The following DST variants were observed in gnomAD, a reference collection of about 807,000 sequenced individuals.
DST encodes the protein dystonin.
DST carries 253 observed loss-of-function variants against 875.2 expected under a neutral mutation model. That is an observed-to-expected ratio of 0.29 (90% CI 0.26 to 0.32). The LOEUF is 0.32. Ranked by LOEUF, DST falls within the 10% of genes least tolerant of loss-of-function variation. DST has a pLI of 1.00. For synonymous variants in DST, 3,124 were observed against 3,197.1 expected, an observed-to-expected ratio of 0.98 and a Z score of 0.77; for missense variants, 8,287 against 9,111.6, an observed-to-expected ratio of 0.91 and a Z score of 3.68.
chr6:56,695,268 A>T (rs1277117465), intron 9 of DST, among the ~76,000 whole-genome samples: 1 of 151,700 alleles, frequency 6.6e-6, no homozygotes, highest in Non-Finnish European at 1.5e-5. Context: ...ATTTTCTGAG[A>T]CCTTACCAGA....
chr6:56,596,451 C>G (rs1453572373), intron 47 of DST, among the ~76,000 whole-genome samples: 1 of 152,110 alleles, frequency 6.6e-6, no homozygotes, highest in East Asian at 1.9e-4. Flanking sequence ...TTAAGTCTAC[C>G]CACCAGTATT....
At chr6:56,676,121 C>T (rs1349085727) in intron 9 of DST, among the ~76,000 whole-genome samples, 1 of 151,944 alleles carries the variant, frequency 6.6e-6, no homozygotes, top group East Asian at 1.9e-4. Flanking sequence ...GGCTGGAGTG[C>T]AGTGGGGCAA....
At position 56,529,787 on chromosome 6, in the gene DST, T is replaced by TA; in HGVS notation, c.17269-14dup. ...CATCTTCTAAGGCCTAAGCAAAGTTTAAAAAAATAAAGAAGAAAAACAAAA... is the reference window on the plus strand; with the variant it reads ...CATCTTCTAAGGCCTAAGCAAAGTTTAAAAAAAATAAAGAAGAAAAACAAAA... On this transcript the variant is annotated splice_polypyrimidine_tract_variant and intron_variant, in intron 65 of 103. Coordinates refer to ENST00000680361, the MANE Select transcript of DST (RefSeq NM_001374736.1). The TA allele has an allele frequency of 6.7e-7, 1 of 1,501,470 alleles. No homozygotes were observed. Among genetic ancestry groups the TA allele is most frequent in the African/African-American group, 1.4e-5 (1 of 70,814 alleles). 93.0% of individuals were successfully genotyped at this position (1,501,470 alleles called of 1,614,324 possible).
intron 95 of DST, 55 bp downstream of exon 95, chr6:56,471,051 G>C (rs762426360): frequency 2.6e-6 from 4 of 1,521,384 alleles, no homozygotes; most frequent in Non-Finnish European, 3.6e-6. Flanking sequence ...CTTTTAAAAT[G>C]TGCTTATTTC....
At chr6:56,826,926 T>TCC (rs1331503620) in intron 4 of DST, among the ~76,000 whole-genome samples, 6 of 152,208 alleles carry the variant, frequency 3.9e-5, no homozygotes, top group African/African-American at 1.4e-4. Flanking sequence ...GAGCACTGTT[T>TCC]CCCCATGTTC....
chr6:56,500,973 C>T, intron 80 of DST, 107 bp downstream of exon 80: 2 of 1,100,354 alleles, frequency 1.8e-6, no homozygotes, highest in Non-Finnish European at 1.3e-6. Context: ...GAACTTGTGT[C>T]AAAATCATAA....
chr6:56,861,399 C>T (rs937738630), intron 3 of DST, among the ~76,000 whole-genome samples: 1 of 152,178 alleles, frequency 6.6e-6, no homozygotes, highest in African/African-American at 2.4e-5. Flanking sequence ...TGGTGGAAAA[C>T]TCTGCTCAGG....
At chr6:56,826,216 A>G in intron 4 of DST, among the ~76,000 whole-genome samples, 1 of 152,168 alleles carries the variant, frequency 6.6e-6, no homozygotes, top group East Asian at 1.9e-4. Flanking sequence ...GCCATAAATG[A>G]CCACACAAAC....
intron 4 of DST, among the ~76,000 whole-genome samples, chr6:56,782,354 G>T (rs1228052414): frequency 6.6e-6 from 1 of 152,020 alleles, no homozygotes; most frequent in Non-Finnish European, 1.5e-5. Flanking sequence ...ATCTGGTCCT[G>T]GACTCTTTTT....
chr6:56,492,301 G>A lies in DST; in HGVS notation c.20683C>T (p.Arg6895Ter). Residue 6895 changes from arginine (R) to a stop codon, truncating the protein, a stop_gained, in exon 85 of 104, where the codon CGA (arginine) becomes TGA (stop). Transcript: ENST00000680361. LOFTEE classifies it high-confidence loss of function. The part of the protein sequence containing the change: ...IKNLLISVQS[R>*]WEKVVQRLVE... ...AACCGTTGAACCACTTTTTCCCATC[G>A]ACTTTGTACACTGATAAGTAGATTC... 1 of 1,613,692 alleles carries A rather than the reference G, an allele frequency of 6.2e-7. No homozygotes were observed. The highest frequency in any genetic ancestry group is 8.5e-7 in the Non-Finnish European group (1 of 1,179,804).
chr6:56,721,957 C>G, intron 5 of DST, among the ~76,000 whole-genome samples: 1 of 152,198 alleles, frequency 6.6e-6, no homozygotes. Flanking sequence ...AGTATATAAC[C>G]ACACATAAAT....
rs144261059 is a variant in DST at position 56,671,395 on chromosome 6, A to G, written c.1048-588T>C. ...GGTATTCTGTGTAAAGAACAATGAA[A>G]GAAATAGTATTCTCTCCTATATAAC... On this transcript the variant is annotated intron_variant, in intron 9 of 103. Coordinates refer to ENST00000680361, the MANE Select transcript of DST (RefSeq NM_001374736.1). 9.2e-3 allele frequency among the ~76,000 whole-genome samples: 1,404 copies of G among 152,346 alleles called. 8 individuals are homozygous for G. The highest frequency in any genetic ancestry group is 0.015 in the Non-Finnish European group (1,020 of 68,028).
At chr6:56,525,078 A>G (rs895634938) in intron 69 of DST, among the ~76,000 whole-genome samples, 2 of 152,138 alleles carry the variant, frequency 1.3e-5, no homozygotes, top group African/African-American at 4.8e-5. Flanking sequence ...CGAAAACTCA[A>G]TCTGTGACTG....
chr6:56,762,944 C>T (rs927164129), intron 4 of DST, among the ~76,000 whole-genome samples: 10 of 150,484 alleles, frequency 6.6e-5, no homozygotes, highest in Non-Finnish European at 1.2e-4. Flanking sequence ...TGTGCCTCCC[C>T]GGTTCAAGCG....
chr6:56,735,317 A>G, intron 4 of DST, 28 bp from the exon 5 acceptor site: 1 of 1,350,300 alleles, frequency 7.4e-7, no homozygotes, highest in South Asian at 1.3e-5. Flanking sequence ...ATATAAAGAT[A>G]AGGTTGGTAA....
intron 90 of DST, among the ~76,000 whole-genome samples, chr6:56,480,615 G>A (rs2095369521): frequency 6.6e-6 from 1 of 152,184 alleles, no homozygotes; most frequent in African/African-American, 2.4e-5. Flanking sequence ...GGAAGCAGAG[G>A]AGATGGAAAA....
chr6:56,588,409 T>C lies in DST; in HGVS notation c.12903+3773A>G, dbSNP rs913785918. Among the ~76,000 whole-genome samples, 4 of 152,310 alleles carry C rather than the reference T, an allele frequency of 2.6e-5. No individual in the cohort carries two copies. In the South Asian group the frequency reaches 6.2e-4, roughly 24 times the overall value. ...CTTTTAATACTCAGCTGGAAAACCT[T>C]CCCTAAGTCTCTCCTCACTCCTAGC... On this transcript the variant is annotated intron_variant, in intron 49 of 103. Coordinates refer to ENST00000680361, the MANE Select transcript of DST (RefSeq NM_001374736.1).
At position 56,555,980 on chromosome 6, in the gene DST, A is replaced by C. The variant is rs1584839922; in HGVS notation, c.14641-140T>G. On this transcript the variant is annotated intron_variant, in intron 59 of 103. Transcript: ENST00000680361. ...GTTATCACTTTCCTACTTTTTACTTAAAGGGCAGTACAATTCTCTTAAATC... is the reference window on the plus strand; with the variant it reads ...GTTATCACTTTCCTACTTTTTACTTCAAGGGCAGTACAATTCTCTTAAATC... 1.7e-5 allele frequency: 14 copies of C among 842,160 alleles called. No individual in the cohort carries two copies. The East Asian group carries it at 3.6e-4, about 22-fold the overall frequency. 52.2% of individuals were successfully genotyped at this position (842,160 alleles called of 1,614,324 possible).
At chr6:56,880,340 G>C (rs73457797) in intron 3 of DST, among the ~76,000 whole-genome samples, 2,748 of 152,250 alleles carry the variant, frequency 0.018, 83 homozygotes, top group African/African-American at 0.063. Context: ...ATAAGAGATA[G>C]AACTACAATG....
Sources: allele counts gnomAD v4.1 joint callset (sites outside exome capture counted in the v4.1 genomes callset), GRCh38; gene constraint gnomAD v4.1.1; transcripts MANE v1.5; gene names NCBI Gene and HGNC (gene_info 2026-07-23, HGNC 2026-07-21).